The following STK10 variants were observed in gnomAD, a reference collection of about 807,000 sequenced individuals.
STK10 encodes the protein serine/threonine kinase 10.
A neutral mutation model predicts 113.8 loss-of-function variants in STK10; 78 were observed. The ratio of observed to expected loss-of-function variants is 0.69; its 90% CI spans 0.57 to 0.83. The LOEUF is 0.83. Ranked by LOEUF, STK10 falls within the 40% of genes least tolerant of loss-of-function variation. The probability of loss-of-function intolerance (pLI) is 0.00; values close to 1 mark genes in which losing one functional copy is unlikely to be tolerated. For synonymous variants in STK10, 465 were observed against 494.7 expected (o/e 0.94, Z 0.80); for missense variants, 1,109 against 1,280.1 (o/e 0.87, Z 2.04).
intron 12 of STK10, among the ~76,000 whole-genome samples, chr5:172,079,638 T>G (rs1377748400): frequency 1.3e-5 from 2 of 152,152 alleles, no homozygotes; most frequent in Non-Finnish European, 2.9e-5. Flanking sequence ...CTCGGCTCAC[T>G]GCAACCTCCG....
chr5:172,095,327 G>A (rs1309095001), intron 8 of STK10, among the ~76,000 whole-genome samples: 6 of 152,176 alleles, frequency 3.9e-5, no homozygotes, highest in Admixed American at 6.5e-5. Flanking sequence ...GAAACCCTTC[G>A]GGGCTCCCAA....
intron 1 of STK10, among the ~76,000 whole-genome samples, chr5:172,172,458 C>T (rs986069765): frequency 3.9e-5 from 6 of 152,236 alleles, no homozygotes; most frequent in Admixed American, 3.3e-4. Flanking sequence ...CCAGATGTGA[C>T]GCTGGGCTTG....
intron 10 of STK10, among the ~76,000 whole-genome samples, chr5:172,084,226 C>A (rs1768500447): frequency 6.6e-6 from 1 of 151,838 alleles, no homozygotes. Context: ...ACATGGAGAA[C>A]CCCATCTCTA....
At chr5:172,089,801 A>C (rs1177844284) in intron 10 of STK10, among the ~76,000 whole-genome samples, 1 of 151,950 alleles carries the variant, frequency 6.6e-6, no homozygotes, top group African/African-American at 2.4e-5. Context: ...GGATAGATGG[A>C]TAGGCAGACA....
intron 12 of STK10, among the ~76,000 whole-genome samples, chr5:172,067,795 GA>G (rs1170438006): frequency 6.6e-6 from 1 of 151,974 alleles, no homozygotes; most frequent in African/African-American, 2.4e-5. Flanking sequence ...AAAAAAAGAT[GA>G]AAAAGAGGAA....
chr5:172,141,347 C>T (rs368521573), intron 2 of STK10, among the ~76,000 whole-genome samples: 2 of 151,966 alleles, frequency 1.3e-5, no homozygotes, highest in South Asian at 2.1e-4. Context: ...GAGGCCGAGG[C>T]GGGAAGATTG....
At chr5:172,153,325 A>AGAGAGAGAGAGAGAGAGAGAG (rs1770283325) in intron 2 of STK10, among the ~76,000 whole-genome samples, 5 of 141,972 alleles carry the variant, frequency 3.5e-5, no homozygotes, top group African/African-American at 1.3e-4. Context: ...AGAAAGAAAG[A>AGAGAGAGAGAGAGAGAGAGAG]AATGTAAAAT....
At chr5:172,115,347 G>A (rs1769356280) in intron 4 of STK10, among the ~76,000 whole-genome samples, 1 of 152,206 alleles carries the variant, frequency 6.6e-6, no homozygotes, top group Admixed American at 6.5e-5. Context: ...AGCAGATGAT[G>A]CCGGGAAATG....
At chr5:172,180,354 A>G (rs1561837229) in intron 1 of STK10, among the ~76,000 whole-genome samples, 1 of 152,076 alleles carries the variant, frequency 6.6e-6, no homozygotes, top group Non-Finnish European at 1.5e-5. Context: ...AATCCCAGCT[A>G]CTTGAGAGGC....
chr5:172,172,337 T>C (rs1770676238), intron 1 of STK10, among the ~76,000 whole-genome samples: 1 of 152,236 alleles, frequency 6.6e-6, no homozygotes, highest in Non-Finnish European at 1.5e-5. Context: ...CATGCCACCC[T>C]GGTCGCGTGG....
intron 14 of STK10, among the ~76,000 whole-genome samples, chr5:172,058,419 A>G (rs1347160411): frequency 1.3e-5 from 2 of 152,212 alleles, no homozygotes; most frequent in African/African-American, 2.4e-5. Context: ...TAAGAGGTTT[A>G]TCTTGCTTAA....
intron 2 of STK10, among the ~76,000 whole-genome samples, chr5:172,151,723 C>CTGGA (rs1406505107): frequency 6.6e-6 from 1 of 152,234 alleles, no homozygotes; most frequent in African/African-American, 2.4e-5. Context: ...CACATGTAGA[C>CTGGA]TGGAGGCTCC....
chr5:172,064,371 T>G, intron 13 of STK10: 1 of 279,386 alleles, frequency 3.6e-6, no homozygotes, highest in Non-Finnish European at 6.9e-6. Flanking sequence ...CCTTCAGACT[T>G]AAAAGATGCC....
chr5:172,097,368 C>T (rs1231410187), intron 7 of STK10, among the ~76,000 whole-genome samples: 3 of 152,186 alleles, frequency 2.0e-5, no homozygotes, highest in Non-Finnish European at 4.4e-5. Flanking sequence ...TATATGCACG[C>T]ACCGTAACTG....
chr5:172,046,235 C>T (rs1188662224), intron 18 of STK10, among the ~76,000 whole-genome samples: 1 of 151,320 alleles, frequency 6.6e-6, no homozygotes, highest in African/African-American at 2.4e-5. Context: ...TAGTGTGTGC[C>T]TGTAATCCCA....
At chr5:172,175,479 C>T (rs577557636) in intron 1 of STK10, among the ~76,000 whole-genome samples, 15 of 152,238 alleles carry the variant, frequency 9.9e-5, no homozygotes, top group South Asian at 4.1e-4. Context: ...CAGGCTGCTG[C>T]GGTCCCAGCA....
intron 18 of STK10, among the ~76,000 whole-genome samples, chr5:172,048,414 T>TACACACATACACACACACAC (rs1767542889): frequency 7.8e-6 from 1 of 128,394 alleles, no homozygotes; most frequent in African/African-American, 3.1e-5. Context: ...TCCCTCTCCC[T>TACACACATACACACACACAC]ACACACACAC....
rs141871386 is a variant in STK10 at position 172,106,709 on chromosome 5, G to A, written c.699C>T (p.Ile233=). The A allele has an allele frequency of 4.3e-5, 69 of 1,613,886 alleles. No individual in the cohort carries two copies. Among genetic ancestry groups the A allele is most frequent in the Non-Finnish European group, 5.3e-5 (62 of 1,180,028 alleles). ...LGITLIEMAQ[I]EPPHHELNPM... ...GGTTGAGCTCGTGGTGTGGCGGCTC[G>A]ATCTGGGCCATCTCAATCAGCGTGA... Residue 233 remains isoleucine, a synonymous_variant, in exon 6 of 19, where the codon ATC becomes ATT. Transcript: ENST00000176763.
At chr5:172,078,018 G>A (rs1768350371) in intron 12 of STK10, among the ~76,000 whole-genome samples, 1 of 152,086 alleles carries the variant, frequency 6.6e-6, no homozygotes, top group South Asian at 2.1e-4. Flanking sequence ...TTCTAATTCT[G>A]TCCATCACCC....
Sources: gnomAD v4.1 joint callset for allele counts (sites outside exome capture counted in the v4.1 genomes callset) on GRCh38, gnomAD v4.1.1 for gene constraint, MANE v1.5 for transcripts, NCBI Gene and HGNC (gene_info 2026-07-23, HGNC 2026-07-21) for gene names.